The following TSPAN11 variants were observed in gnomAD, a reference collection of about 807,000 sequenced individuals.
The protein encoded by TSPAN11 is tetraspanin-11.
In TSPAN11, 29 loss-of-function variants were observed where a neutral mutation model predicts 32.9. The observed-to-expected ratio is 0.88, with a 90% CI of 0.66 to 1.20. The LOEUF is 1.20. Ranked by LOEUF, TSPAN11 falls within the 50% of genes most tolerant of loss-of-function variation. TSPAN11 has a pLI of 0.00. For missense variants in TSPAN11, 283 were observed against 329.1 expected (o/e 0.86, Z 1.08); for synonymous variants, 140 against 141.3 (o/e 0.99, Z 0.07).
At position 30,960,063 on chromosome 12, in the gene TSPAN11, G is replaced by C. The variant is rs570864746; in HGVS notation, c.85-3763G>C. On this transcript the variant is annotated intron_variant, in intron 2 of 7. Coordinates refer to ENST00000546076, the MANE Select transcript of TSPAN11 (RefSeq NM_001370302.1). The stretch of plus-strand genomic sequence containing the variant: ...TGGAGACAGGTTTGAGGGCAGAGGG[G>C]AATTGGCACATGGTTGTCATTGAGA... Among the ~76,000 whole-genome samples the C allele has an allele frequency of 8.2e-4, 118 of 143,212 alleles. 2 individuals are homozygous for C. The highest frequency in any genetic ancestry group is 2.7e-3 in the African/African-American group (105 of 38,364). 94.0% of individuals were successfully genotyped at this position (143,212 alleles called of 152,430 possible). A position where few individuals can be genotyped will look rare whatever the true frequency, so the allele number is the denominator to read the frequency against.
chr12:30,938,015 A>G (rs1258506626), intron 1 of TSPAN11, among the ~76,000 whole-genome samples: 1 of 152,186 alleles, frequency 6.6e-6, no homozygotes, highest in Admixed American at 6.5e-5. Flanking sequence ...AGAATACTAT[A>G]TGGCCAGAGC....
the TSPAN11 span, among the ~76,000 whole-genome samples, chr12:31,008,420 T>C: frequency 6.6e-6 from 1 of 152,184 alleles, no homozygotes; most frequent in Non-Finnish European, 1.5e-5. Flanking sequence ...GCTGTGCTGC[T>C]GTGGATGGTG....
intron 2 of TSPAN11, among the ~76,000 whole-genome samples, chr12:30,963,198 C>CTGAG (rs1475567335): frequency 6.6e-6 from 1 of 152,196 alleles, no homozygotes; most frequent in African/African-American, 2.4e-5. Context: ...GGCAGTGTGA[C>CTGAG]TGAGTGGGCA....
chr12:30,970,352 G>A (rs978642909), intron 3 of TSPAN11, among the ~76,000 whole-genome samples: 49 of 152,152 alleles, frequency 3.2e-4, no homozygotes, highest in African/African-American at 1.2e-3. Flanking sequence ...GTAAATGCCT[G>A]TCTTTGGCTT....
chr12:30,931,898 A>AAAAAAAAAAAAAAAC (rs1937940485), intron 1 of TSPAN11, among the ~76,000 whole-genome samples: 1 of 150,748 alleles, frequency 6.6e-6, no homozygotes, highest in Non-Finnish European at 1.5e-5. Context: ...AAAAAAAAAA[A>AAAAAAAAAAAAAAAC]AGAGTCCTCA....
At chr12:30,940,420 A>G (rs952019639) in intron 1 of TSPAN11, among the ~76,000 whole-genome samples, 1 of 152,222 alleles carries the variant, frequency 6.6e-6, no homozygotes, top group Non-Finnish European at 1.5e-5. Flanking sequence ...GCTAAGGGGC[A>G]TGCCTCAGAC....
At chr12:30,936,562 C>T (rs1267015870) in intron 1 of TSPAN11, among the ~76,000 whole-genome samples, 1 of 152,110 alleles carries the variant, frequency 6.6e-6, no homozygotes, top group African/African-American at 2.4e-5. Context: ...ATGGTGGGTT[C>T]GCAAGATGTT....
At chr12:30,991,809 C>T in intron 7 of TSPAN11, 47 bp from the exon 8 acceptor site, 1 of 1,610,118 alleles carries the variant, frequency 6.2e-7, no homozygotes, top group Non-Finnish European at 8.5e-7. Context: ...CGGCAGCTTC[C>T]AGGAGTTCTG....
chr12:30,962,770 G>A (rs1461527454), intron 2 of TSPAN11, among the ~76,000 whole-genome samples: 1 of 152,158 alleles, frequency 6.6e-6, no homozygotes, highest in Non-Finnish European at 1.5e-5. Context: ...TTAAATGGGG[G>A]CAGGGAGACT....
rs7132359 is a variant in TSPAN11 at position 30,992,370 on chromosome 12, G to C, written c.*455G>C. On this transcript the variant is annotated 3_prime_UTR_variant, in exon 8 of 8. Transcript: ENST00000546076. Reference sequence around the variant, plus strand: ...TTGCTGTTTCTGGAAAAAGCATGGGGTGGGGCAGGGAGGGCTGGCATTTCC... The same window carrying C: ...TTGCTGTTTCTGGAAAAAGCATGGGCTGGGGCAGGGAGGGCTGGCATTTCC... The C allele has an allele frequency of 0.1, 20,671 of 207,512 alleles. 1,305 individuals are homozygous for C. The highest frequency in any genetic ancestry group is 0.17 in the African/African-American group (7,542 of 44,566). The allele number at this position is 207,512 out of a possible 1,614,324, so 12.9% of individuals were successfully genotyped here. A position where few individuals can be genotyped will look rare whatever the true frequency, so the allele number is the denominator to read the frequency against.
chr12:30,930,520 C>T (rs990771889), intron 1 of TSPAN11, among the ~76,000 whole-genome samples: 6 of 152,150 alleles, frequency 3.9e-5, no homozygotes, highest in Admixed American at 6.5e-5. Flanking sequence ...CCTTCCTCTC[C>T]GTGTGACCTT....
At chr12:30,930,704 C>G (rs1010790766) in intron 1 of TSPAN11, among the ~76,000 whole-genome samples, 2 of 152,230 alleles carry the variant, frequency 1.3e-5, no homozygotes, top group Non-Finnish European at 2.9e-5. Flanking sequence ...GGTCTTATGG[C>G]AAGGAGGGGG....
At chr12:31,007,741 T>A in the TSPAN11 span, among the ~76,000 whole-genome samples, 1 of 152,188 alleles carries the variant, frequency 6.6e-6, no homozygotes, top group Non-Finnish European at 1.5e-5. Flanking sequence ...CTTTTTTGTT[T>A]AAGGCTTTAA....
Position 30,993,499 on chromosome 12 carries a change from CCTCTT to C in TSPAN11, c.*1589_*1593del, listed in dbSNP as rs1228422704. 1 of 152,324 alleles carries C rather than the reference CCTCTT, an allele frequency of 6.6e-6. No homozygotes were observed. Among genetic ancestry groups the C allele is most frequent in the Non-Finnish European group, 1.5e-5 (1 of 68,102 alleles). 9.4% of individuals were successfully genotyped at this position (152,324 alleles called of 1,614,324 possible). On this transcript the variant is annotated 3_prime_UTR_variant, in exon 8 of 8. Coordinates refer to ENST00000546076, the MANE Select transcript of TSPAN11 (RefSeq NM_001370302.1). The stretch of plus-strand genomic sequence containing the variant: ...AGCCCAGCCTCGGGGCCGGTTGCCT[CCTCTT>C]CTCTGGGTGTTCTCCAGTGGCTTCT...
intron 3 of TSPAN11, among the ~76,000 whole-genome samples, chr12:30,965,463 C>T (rs575267853): frequency 2.0e-5 from 3 of 152,188 alleles, no homozygotes; most frequent in African/African-American, 4.8e-5. Flanking sequence ...CCCCACCGAG[C>T]GCCTTCCTCT....
the TSPAN11 span, among the ~76,000 whole-genome samples, chr12:31,008,843 C>A: frequency 0.69 from 105,450 of 152,094 alleles, 37,474 homozygotes; most frequent in Non-Finnish European, 0.77. Context: ...GGTTCCCACC[C>A]ATTTCCCTGA....
intron 2 of TSPAN11, among the ~76,000 whole-genome samples, chr12:30,960,425 TCCTGCCCCATC>T (rs1255703671): frequency 1.3e-5 from 2 of 151,988 alleles, no homozygotes; most frequent in Non-Finnish European, 2.9e-5. Context: ...TGTTCCTGGC[TCCTGCCCCATC>T]CCTTTCCTTC....
At chr12:30,937,234 A>C (rs1466667097) in intron 1 of TSPAN11, among the ~76,000 whole-genome samples, 1 of 152,190 alleles carries the variant, frequency 6.6e-6, no homozygotes, top group Non-Finnish European at 1.5e-5. Context: ...GAAGAAGTGA[A>C]GCTTCAGAGG....
At chr12:30,970,986 T>C (rs1938837736) in intron 3 of TSPAN11, among the ~76,000 whole-genome samples, 1 of 152,194 alleles carries the variant, frequency 6.6e-6, no homozygotes, top group African/African-American at 2.4e-5. Context: ...CTGAGCTCCC[T>C]GACCCTCCCT....
Sources: allele counts gnomAD v4.1 joint callset (sites outside exome capture counted in the v4.1 genomes callset), GRCh38; gene constraint gnomAD v4.1.1; transcripts MANE v1.5; gene names NCBI Gene and HGNC (gene_info 2026-07-23, HGNC 2026-07-21).